MET: variants seen among roughly 807,000 people sequenced by gnomAD.
MET encodes the protein hepatocyte growth factor receptor.
A neutral mutation model predicts 133.1 loss-of-function variants in MET; 48 were observed. The ratio of observed to expected loss-of-function variants is 0.36; its 90% CI spans 0.29 to 0.46. The LOEUF (loss-of-function observed/expected upper bound fraction) is 0.46. Ranked by LOEUF, MET falls within the 20% of genes least tolerant of loss-of-function variation. The pLI is 1.00. For synonymous variants in MET, 628 were observed against 616.5 expected (o/e 1.02, Z -0.28); for missense variants, 1,442 against 1,695.9 (o/e 0.85, Z 2.63).
At chr7:116,788,093 G>A (rs1043717215) in intron 19 of MET, among the ~76,000 whole-genome samples, 1 of 152,144 alleles carries the variant, frequency 6.6e-6, no homozygotes, top group Non-Finnish European at 1.5e-5. Context: ...CATGTTGAAT[G>A]GTTCCATTTA....
At chr7:116,751,991 G>A (rs1028083886) in intron 5 of MET, among the ~76,000 whole-genome samples, 3 of 152,076 alleles carry the variant, frequency 2.0e-5, no homozygotes, top group South Asian at 2.1e-4. Context: ...AACCTGGGTG[G>A]CGGAGCTTGC....
intron 1 of MET, among the ~76,000 whole-genome samples, chr7:116,691,749 TC>T (rs1351295846): frequency 6.6e-6 from 1 of 152,146 alleles, no homozygotes; most frequent in Non-Finnish European, 1.5e-5. Flanking sequence ...GCTCATGCTG[TC>T]AGAATGAAAG....
intron 17 of MET, among the ~76,000 whole-genome samples, chr7:116,779,915 C>G (rs1795104495): frequency 1.3e-5 from 2 of 152,110 alleles, no homozygotes; most frequent in South Asian, 4.2e-4. Context: ...TTGAATAGCA[C>G]TGTAGTAGAT....
At chr7:116,742,751 T>C (rs1171616127) in intron 5 of MET, among the ~76,000 whole-genome samples, 1 of 152,220 alleles carries the variant, frequency 6.6e-6, no homozygotes, top group African/African-American at 2.4e-5. Flanking sequence ...TAGCATTCTA[T>C]AGTTGATGAT....
At chr7:116,703,338 A>G (rs1232077999) in intron 2 of MET, among the ~76,000 whole-genome samples, 1 of 152,136 alleles carries the variant, frequency 6.6e-6, no homozygotes, top group African/African-American at 2.4e-5. Context: ...TTATACACCC[A>G]CAAATAATTA....
chr7:116,680,224 CT>C (rs1796300423), intron 1 of MET, among the ~76,000 whole-genome samples: 1 of 152,194 alleles, frequency 6.6e-6, no homozygotes, highest in Non-Finnish European at 1.5e-5. Flanking sequence ...TCAGCACTGA[CT>C]TATTTATACA....
intron 2 of MET, among the ~76,000 whole-genome samples, chr7:116,718,213 C>G (rs539322291): frequency 1.3e-5 from 2 of 152,046 alleles, no homozygotes; most frequent in Non-Finnish European, 2.9e-5. Context: ...ATGGTGAAAC[C>G]CAGTCTCTAA....
chr7:116,728,317 G>A (rs1792872802), intron 2 of MET, among the ~76,000 whole-genome samples: 1 of 152,160 alleles, frequency 6.6e-6, no homozygotes, highest in Non-Finnish European at 1.5e-5. Context: ...GGGGGCAATA[G>A]AGACATAATT....
Position 116,771,613 on chromosome 7 carries a change from T to G in MET, c.2846T>G (p.Leu949Arg). ...ATATCAACAGCACTGTTATTACTAC[T>G]TGGGTTTTTCCTGTGGCTGAAAAAG... The part of the protein sequence containing the change: ...VSISTALLLL[L>R]GFFLWLKKRK... The change falls in exon 13 of 21, where the codon CTT (leucine) becomes CGT (arginine). Residue 949 changes from leucine to arginine, a missense_variant. Coordinates refer to ENST00000397752, the MANE Select transcript of MET (RefSeq NM_000245.4). 1 of 1,613,986 alleles carries G rather than the reference T, an allele frequency of 6.2e-7. No homozygotes were observed.
chr7:116,783,319 C>T lies in MET; in HGVS notation c.3648C>T (p.Phe1216=), dbSNP rs1584965464. The change falls in exon 19 of 21, where the codon TTC becomes TTT. Residue 1216 remains phenylalanine, a synonymous_variant. Transcript: ENST00000397752. The part of the protein sequence containing the change: ...AARNCMLDEK[F]TVKVADFGLA... ...CTTTCTGTAGGCTGGATGAAAAATT[C>T]ACAGTCAAGGTTGCTGATTTTGGTC... 6.2e-7 allele frequency: 1 copy of T among 1,614,086 alleles called. No individual in the cohort carries two copies. The highest frequency in any genetic ancestry group is 1.1e-5 in the South Asian group (1 of 91,086).
intron 2 of MET, among the ~76,000 whole-genome samples, chr7:116,703,523 C>T (rs552775944): frequency 1.3e-5 from 2 of 152,034 alleles, no homozygotes; most frequent in Non-Finnish European, 2.9e-5. Context: ...TGGATGGAAC[C>T]TTTGTAAAGG....
intron 1 of MET, among the ~76,000 whole-genome samples, chr7:116,681,183 A>G (rs1167449430): frequency 1.3e-5 from 2 of 152,274 alleles, no homozygotes; most frequent in East Asian, 3.9e-4. Context: ...AATAGCAGGA[A>G]TATGTCACAG....
intron 2 of MET, among the ~76,000 whole-genome samples, chr7:116,714,964 G>T (rs532243343): frequency 2.0e-5 from 3 of 152,164 alleles, no homozygotes; most frequent in Non-Finnish European, 4.4e-5. Context: ...TTCAATAGGT[G>T]TGAGTGTTTC....
intron 2 of MET, among the ~76,000 whole-genome samples, chr7:116,729,082 G>T (rs1792897068): frequency 6.6e-6 from 1 of 152,196 alleles, no homozygotes; most frequent in Admixed American, 6.5e-5. Flanking sequence ...TCTGCAAAAT[G>T]GATGATTGAT....
chr7:116,739,689 C>A (rs1286336446), intron 3 of MET, among the ~76,000 whole-genome samples: 1 of 152,064 alleles, frequency 6.6e-6, no homozygotes, highest in South Asian at 2.1e-4. Flanking sequence ...GTATGTGCTG[C>A]CAATTGATTG....
chr7:116,704,456 A>G (rs1791708124), intron 2 of MET, among the ~76,000 whole-genome samples: 1 of 152,162 alleles, frequency 6.6e-6, no homozygotes, highest in African/African-American at 2.4e-5. Context: ...TTGGCACAAA[A>G]TAAATAGCAG....
At chr7:116,714,145 A>G (rs561091466) in intron 2 of MET, among the ~76,000 whole-genome samples, 42 of 152,360 alleles carry the variant, frequency 2.8e-4, no homozygotes, top group African/African-American at 9.9e-4. Flanking sequence ...GCTGCTAACC[A>G]AAAACACATG....
At chr7:116,728,020 T>A (rs1243190210) in intron 2 of MET, among the ~76,000 whole-genome samples, 1 of 152,082 alleles carries the variant, frequency 6.6e-6, no homozygotes, top group Non-Finnish European at 1.5e-5. Flanking sequence ...AATCATTGAG[T>A]TTATCAGGAT....
intron 16 of MET, among the ~76,000 whole-genome samples, chr7:116,777,726 ATAAC>A (rs1795038179): frequency 1.3e-5 from 2 of 152,220 alleles, no homozygotes; most frequent in African/African-American, 4.8e-5. Flanking sequence ...TCATTTAACT[ATAAC>A]TATGTTTGGT....
Sources: gnomAD v4.1 joint callset for allele counts (sites outside exome capture counted in the v4.1 genomes callset) on GRCh38, gnomAD v4.1.1 for gene constraint, MANE v1.5 for transcripts, NCBI Gene and HGNC (gene_info 2026-07-23, HGNC 2026-07-21) for gene names.